The following ADAMTS19 variants were observed in gnomAD, a reference collection of about 807,000 sequenced individuals.
ADAMTS19 encodes ADAM metallopeptidase with thrombospondin type 1 motif 19, also known as A disintegrin and metalloproteinase with thrombospondin motifs 19.
A neutral mutation model predicts 153.3 loss-of-function variants in ADAMTS19; 93 were observed. The ratio of observed to expected loss-of-function variants is 0.61; its 90% CI spans 0.51 to 0.72. ADAMTS19 has a LOEUF of 0.72. Ranked by LOEUF, ADAMTS19 falls within the 30% of genes least tolerant of loss-of-function variation. ADAMTS19 has a pLI of 0.00. For missense variants in ADAMTS19, 1,482 were observed against 1,552.1 expected (o/e 0.95, Z 0.76); for synonymous variants, 600 against 556.6 (o/e 1.08, Z -1.10).
At chr5:129,615,590 GA>G (rs1291414783) in intron 8 of ADAMTS19, among the ~76,000 whole-genome samples, 1 of 151,940 alleles carries the variant, frequency 6.6e-6, no homozygotes, top group Non-Finnish European at 1.5e-5. Context: ...CAGGGCAAAT[GA>G]AAAGTTTTTG....
chr5:129,686,363 A>C (rs1319595748), intron 18 of ADAMTS19, among the ~76,000 whole-genome samples: 3 of 152,046 alleles, frequency 2.0e-5, no homozygotes, highest in Non-Finnish European at 2.9e-5. Flanking sequence ...GGATTGATGG[A>C]GTATAGGGTC....
At chr5:129,681,164 G>A (rs916655238) in intron 17 of ADAMTS19, among the ~76,000 whole-genome samples, 1 of 152,124 alleles carries the variant, frequency 6.6e-6, no homozygotes, top group African/African-American at 2.4e-5. Flanking sequence ...TCATATATTG[G>A]CCTATTTGCT....
intron 2 of ADAMTS19, among the ~76,000 whole-genome samples, chr5:129,494,989 C>G (rs924429059): frequency 6.6e-6 from 1 of 151,884 alleles, no homozygotes; most frequent in Non-Finnish European, 1.5e-5. Flanking sequence ...TACTTTTGAG[C>G]CATAAGAAAG....
At chr5:129,653,133 T>C (rs1753389761) in intron 13 of ADAMTS19, among the ~76,000 whole-genome samples, 1 of 152,228 alleles carries the variant, frequency 6.6e-6, no homozygotes. Flanking sequence ...CCCTGTTCCA[T>C]GCCTCTGGCT....
At chr5:129,545,866 C>T (rs1172221065) in intron 6 of ADAMTS19, among the ~76,000 whole-genome samples, 2 of 150,210 alleles carry the variant, frequency 1.3e-5, no homozygotes, top group African/African-American at 5.0e-5. Flanking sequence ...TACCATCTGA[C>T]CCAGCCATCC....
In ADAMTS19 at chr5:129,461,564, T is replaced by C. The variant is rs1749663950; in HGVS notation, c.554T>C (p.Leu185Pro). 2 of 1,554,462 alleles carry C rather than the reference T, an allele frequency of 1.3e-6. No individual in the cohort carries two copies. The highest frequency in any genetic ancestry group is 1.4e-5 in the African/African-American group (1 of 73,478). Residue 185 changes from leucine to proline, a missense_variant, in exon 2 of 23, where the codon CTG becomes CCG. By Grantham distance (98) the Leu-to-Pro change is moderately conservative (BLOSUM62 -3). This residue lies in a region of ADAMTS19 where 866 missense variants were observed against 827.7 expected (regional missense o/e 1.05). Coordinates refer to ENST00000274487, the MANE Select transcript of ADAMTS19 (RefSeq NM_133638.6). The surrounding 1 kb of genome is among the most constrained non-coding windows in gnomAD (Gnocchi z 4.6). ...GCCTTCTCTCGGGACCTGTACCTGCTGCTCCGGAGAGACGGCCGCTTCCTG... is the reference window on the plus strand; with the variant it reads ...GCCTTCTCTCGGGACCTGTACCTGCCGCTCCGGAGAGACGGCCGCTTCCTG... ...IPAFSRDLYLLLRRDGRFLAP... is the reference protein window; with the variant it reads ...IPAFSRDLYLPLRRDGRFLAP...
intron 3 of ADAMTS19, among the ~76,000 whole-genome samples, chr5:129,515,831 A>G (rs1751586031): frequency 6.6e-6 from 1 of 151,954 alleles, no homozygotes; most frequent in African/African-American, 2.4e-5. Flanking sequence ...ATATTGAATA[A>G]CAGTGGAGAG....
chr5:129,580,851 AT>A (rs763178851), intron 7 of ADAMTS19, among the ~76,000 whole-genome samples: 28 of 151,910 alleles, frequency 1.8e-4, no homozygotes, highest in African/African-American at 6.5e-4. Context: ...TTTATTGACG[AT>A]TTTTGCATCG....
chr5:129,486,833 T>G (rs778768687), intron 2 of ADAMTS19, among the ~76,000 whole-genome samples: 10 of 152,142 alleles, frequency 6.6e-5, no homozygotes, highest in Non-Finnish European at 1.3e-4. Flanking sequence ...TGTGCTTATT[T>G]GCAGACAACA....
At chr5:129,556,055 C>T (rs958093706) in intron 7 of ADAMTS19, among the ~76,000 whole-genome samples, 12 of 152,078 alleles carry the variant, frequency 7.9e-5, no homozygotes, top group African/African-American at 1.2e-4. Flanking sequence ...TAGTTATTTA[C>T]TAAGCTTATA....
At chr5:129,557,489 A>G (rs1753355537) in intron 7 of ADAMTS19, among the ~76,000 whole-genome samples, 1 of 151,958 alleles carries the variant, frequency 6.6e-6, no homozygotes, top group Non-Finnish European at 1.5e-5. Flanking sequence ...AATCCCAGCT[A>G]CTTGGGAGGC....
At chr5:129,722,117 A>G (rs1360896026) in intron 21 of ADAMTS19, among the ~76,000 whole-genome samples, 1 of 152,210 alleles carries the variant, frequency 6.6e-6, no homozygotes, top group South Asian at 2.1e-4. Context: ...GTATATACCC[A>G]GTAATGGGAT....
In ADAMTS19 at chr5:129,737,326, T is replaced by C. The variant is rs1757713035; in HGVS notation, c.*108T>C. 1 of 1,168,490 alleles carries C rather than the reference T, an allele frequency of 8.6e-7. No individual in the cohort carries two copies. The highest frequency in any genetic ancestry group is 1.1e-6 in the Non-Finnish European group (1 of 898,634). 72.4% of individuals were successfully genotyped at this position (1,168,490 alleles called of 1,614,324 possible). On this transcript the variant is annotated 3_prime_UTR_variant, in exon 23 of 23. Transcript: ENST00000274487. ...TATTATCAGATTACATATAATTTAA[T>C]CAAATTAATTTATTTTTTTGCCTGC...
chr5:129,505,992 C>T (rs896672239), intron 2 of ADAMTS19, among the ~76,000 whole-genome samples: 6 of 152,126 alleles, frequency 3.9e-5, no homozygotes, highest in African/African-American at 7.2e-5. Context: ...GGACGATATT[C>T]GCAGTAAAGC....
chr5:129,651,249 G>T (rs1316183062), intron 13 of ADAMTS19, among the ~76,000 whole-genome samples: 1 of 152,106 alleles, frequency 6.6e-6, no homozygotes, highest in East Asian at 1.9e-4. Context: ...AAACTTGTAT[G>T]TACAACTCCC....
At chr5:129,477,776 G>A (rs192009358) in intron 2 of ADAMTS19, among the ~76,000 whole-genome samples, 9 of 152,244 alleles carry the variant, frequency 5.9e-5, no homozygotes, top group East Asian at 5.8e-4. Flanking sequence ...ACATGTTCAC[G>A]TTCTGAACCT....
At chr5:129,629,611 C>G (rs1752200470) in intron 10 of ADAMTS19, among the ~76,000 whole-genome samples, 1 of 152,094 alleles carries the variant, frequency 6.6e-6, no homozygotes, top group African/African-American at 2.4e-5. Context: ...AGGATAACAA[C>G]TTACATCTGC....
At position 129,463,952 on chromosome 5, in the gene ADAMTS19, C is replaced by A. The variant is rs146318702; in HGVS notation, c.747+2195C>A. ...TAGTCACAAGACAGTGACAGACCAG[C>A]ATGATGAATCAAATGTTATGCTAAG... On this transcript the variant is annotated intron_variant, in intron 2 of 22. Transcript: ENST00000274487. 3.3e-3 allele frequency among the ~76,000 whole-genome samples: 508 copies of A among 152,254 alleles called. 2 individuals carry two copies. The highest frequency in any genetic ancestry group is 0.012 in the African/African-American group (479 of 41,524).
intron 2 of ADAMTS19, among the ~76,000 whole-genome samples, chr5:129,484,546 A>C (rs940849891): frequency 5.3e-5 from 8 of 152,228 alleles, no homozygotes; most frequent in African/African-American, 1.9e-4. Context: ...TTTAAAATTC[A>C]AATCATATTT....
Sources: allele counts gnomAD v4.1 joint callset (sites outside exome capture counted in the v4.1 genomes callset), GRCh38; gene constraint gnomAD v4.1.1; regional missense constraint gnomAD v4.1.1; non-coding constraint Gnocchi (gnomAD v3.1); transcripts MANE v1.5; gene names NCBI Gene and HGNC (gene_info 2026-07-23, HGNC 2026-07-21).